PDZD2: variants seen among roughly 807,000 people sequenced by gnomAD.
PDZD2 encodes PDZ domain-containing protein 2.
In PDZD2, 90 loss-of-function variants were observed where a neutral mutation model predicts 220.7. That is an observed-to-expected ratio of 0.41 (90% CI 0.34 to 0.49). The LOEUF is 0.49. Ranked by LOEUF, PDZD2 falls within the 20% of genes least tolerant of loss-of-function variation. PDZD2 has a pLI of 0.28. For missense variants in PDZD2, 3,174 were observed against 3,608.5 expected (o/e 0.88, Z 3.08); for synonymous variants, 1,375 against 1,450.5 (o/e 0.95, Z 1.18).
In PDZD2 at chr5:31,845,317, C is replaced by T. The variant is rs77047832; in HGVS notation, c.476+45593C>T. On this transcript the variant is annotated intron_variant, in intron 2 of 24. Coordinates refer to ENST00000438447, the MANE Select transcript of PDZD2 (RefSeq NM_178140.4). ...GTCAAATGACTTACCCAGAATCTCA[C>T]GGATAATCATTATGGGATTTGAACT... Among the ~76,000 whole-genome samples, 1,273 of 152,300 alleles carry T rather than the reference C, an allele frequency of 8.4e-3. 15 individuals are homozygous for T. The highest frequency in any genetic ancestry group is 0.029 in the African/African-American group (1,218 of 41,560).
At position 32,088,974 on chromosome 5, in the gene PDZD2, A is replaced by G. The variant is rs747520633; in HGVS notation, c.5526A>G (p.Lys1842=). The change falls in exon 20 of 25, where the codon AAA becomes AAG. Residue 1842 remains lysine, a synonymous_variant. Coordinates refer to ENST00000438447, the MANE Select transcript of PDZD2 (RefSeq NM_178140.4). This position sits in a 1 kb window ranked among gnomAD's most constrained non-coding sequence, Gnocchi z 4.6. The part of the protein sequence containing the change: ...SKIQMVSSSQ[K]KGVTVPHSPP... ...TTCAGATGGTGAGTTCAAGCCAAAA[A>G]AAGGGCGTTACTGTGCCTCATAGCC... The G allele has an allele frequency of 1.2e-6, 2 of 1,614,006 alleles. No homozygotes were observed. The highest frequency in any genetic ancestry group is 3.3e-5 in the Admixed American group (2 of 60,008).
At position 31,639,223 on chromosome 5, in the gene PDZD2, G is replaced by A. The variant is rs1361410028; in HGVS notation, c.-575G>A. ...GGGCAGCGGGACGCGGCGGGGCGGC[G>A]GCTGCAGGCAGCCGAGGAGCCGCAG... is the stretch of plus-strand genomic sequence containing the variant. On this transcript the variant is annotated 5_prime_UTR_variant, in exon 1 of 25. Coordinates refer to ENST00000438447, the MANE Select transcript of PDZD2 (RefSeq NM_178140.4). The surrounding 1 kb of genome is among the most constrained non-coding windows in gnomAD (Gnocchi z 4.1). Among the ~76,000 whole-genome samples, 1 of 151,616 alleles carries A rather than the reference G, an allele frequency of 6.6e-6. No homozygotes were observed. The highest frequency in any genetic ancestry group is 1.5e-5 in the Non-Finnish European group (1 of 67,848).
At chr5:31,898,815 TTTTTTTTTTTTG>T (rs1561553036) in intron 2 of PDZD2, among the ~76,000 whole-genome samples, 1 of 150,572 alleles carries the variant, frequency 6.6e-6, no homozygotes, top group African/African-American at 2.4e-5. Flanking sequence ...CTTCTTTTTT[TTTTTTTTTTTTG>T]TTTTTTTTCT....
At chr5:31,931,528 G>A (rs1011993549) in intron 2 of PDZD2, among the ~76,000 whole-genome samples, 1 of 152,104 alleles carries the variant, frequency 6.6e-6, no homozygotes, top group Non-Finnish European at 1.5e-5. Flanking sequence ...CTGGGCAGGA[G>A]TTGAGGGTCT....
intron 2 of PDZD2, among the ~76,000 whole-genome samples, chr5:31,969,240 C>T (rs1426480418): frequency 6.6e-6 from 1 of 152,060 alleles, no homozygotes; most frequent in East Asian, 1.9e-4. Context: ...GGCACGATGG[C>T]TCATGCCTGT....
chr5:32,002,743 A>C (rs1581249235), intron 5 of PDZD2, among the ~76,000 whole-genome samples: 1 of 51,918 alleles, frequency 1.9e-5, no homozygotes, highest in African/African-American at 7.6e-5. Context: ...CACCCCACAC[A>C]CCAACACACA....
Position 32,069,263 on chromosome 5 carries a change from C to CA in PDZD2, c.2452-285dup, listed in dbSNP as rs11361686. On this transcript the variant is annotated intron_variant, in intron 14 of 24. Transcript: ENST00000438447. ...CTTGGGTAACAGAGAGACTCTGTCT[C>CA]AAAAAAAAAAAAAAAAAAAAATTGA... Among the ~76,000 whole-genome samples, 309 of 99,124 alleles carry CA rather than the reference C, an allele frequency of 3.1e-3. 1 individual carries two copies. The highest frequency in any genetic ancestry group is 6.0e-3 in the East Asian group (21 of 3,502). 65.0% of individuals were successfully genotyped at this position (99,124 alleles called of 152,430 possible).
rs181687626 is a variant in PDZD2, at chr5:31,868,926, C to T, written c.476+69202C>T. Reference sequence around the variant, plus strand: ...TAGCTGGAACTACAGGCGTGCGCCACCACTCCTGGCTAATTTTTGTATTTT... The same window carrying T: ...TAGCTGGAACTACAGGCGTGCGCCATCACTCCTGGCTAATTTTTGTATTTT... On this transcript the variant is annotated intron_variant, in intron 2 of 24. Coordinates refer to ENST00000438447, the MANE Select transcript of PDZD2 (RefSeq NM_178140.4). Among the ~76,000 whole-genome samples, 4 of 152,106 alleles carry T rather than the reference C, an allele frequency of 2.6e-5. No individual in the cohort carries two copies. The East Asian group carries it at 7.7e-4, about 29-fold the overall frequency.
intron 5 of PDZD2, among the ~76,000 whole-genome samples, chr5:32,002,930 TCA>T (rs1258005079): frequency 1.1e-4 from 3 of 28,076 alleles, no homozygotes; most frequent in East Asian, 2.5e-3. Flanking sequence ...CACACACACC[TCA>T]CACACCACGA....
intron 1 of PDZD2, among the ~76,000 whole-genome samples, chr5:31,724,803 A>G (rs1749027352): frequency 6.6e-6 from 1 of 152,132 alleles, no homozygotes; most frequent in Non-Finnish European, 1.5e-5. Context: ...TACTGTGGCT[A>G]CCACCTCACT....
intron 2 of PDZD2, among the ~76,000 whole-genome samples, chr5:31,897,309 A>C (rs1479958571): frequency 6.6e-6 from 1 of 152,096 alleles, no homozygotes; most frequent in African/African-American, 2.4e-5. Context: ...CACAGTGTGA[A>C]AATTGTGTTC....
At chr5:32,079,247 A>C (rs1442550491) in intron 19 of PDZD2, among the ~76,000 whole-genome samples, 9 of 141,038 alleles carry the variant, frequency 6.4e-5, no homozygotes, top group Non-Finnish European at 1.4e-4. Flanking sequence ...GGACAGAGTG[A>C]GACTCTGTCT....
chr5:31,998,627 T>G (rs1275411940), intron 4 of PDZD2, among the ~76,000 whole-genome samples: 1 of 152,214 alleles, frequency 6.6e-6, no homozygotes, highest in African/African-American at 2.4e-5. Flanking sequence ...TGTGAACCTT[T>G]AGAACAGAGA....
intron 2 of PDZD2, among the ~76,000 whole-genome samples, chr5:31,926,198 C>G (rs1581095341): frequency 6.7e-6 from 1 of 148,150 alleles, no homozygotes; most frequent in Non-Finnish European, 1.5e-5. Context: ...CCAGCCTGGG[C>G]AACGGAGCAA....
At chr5:31,847,949 A>T in intron 2 of PDZD2, 1 of 450,112 alleles carries the variant, frequency 2.2e-6, no homozygotes, top group Non-Finnish European at 4.3e-6. Context: ...ATACATAAAG[A>T]ACAGCATAAC....
At chr5:31,988,024 C>T (rs981719498) in intron 3 of PDZD2, among the ~76,000 whole-genome samples, 7 of 152,180 alleles carry the variant, frequency 4.6e-5, no homozygotes, top group African/African-American at 1.7e-4. Flanking sequence ...TTCATTTTGC[C>T]CCCTGGGCTG....
At chr5:31,758,690 GTCC>G (rs1751443538) in intron 1 of PDZD2, among the ~76,000 whole-genome samples, 1 of 152,116 alleles carries the variant, frequency 6.6e-6, no homozygotes, top group East Asian at 1.9e-4. Context: ...CCTTGGAAGA[GTCC>G]TCCTCCCTCC....
At chr5:31,695,973 G>A (rs2150130957) in intron 1 of PDZD2, among the ~76,000 whole-genome samples, 1 of 152,226 alleles carries the variant, frequency 6.6e-6, no homozygotes, top group African/African-American at 2.4e-5. Context: ...TCTTTTGCCA[G>A]CTGTCTTATC....
chr5:31,752,748 T>C (rs1751083795), intron 1 of PDZD2, among the ~76,000 whole-genome samples: 2 of 152,164 alleles, frequency 1.3e-5, no homozygotes, highest in Admixed American at 6.5e-5. Context: ...CTTATTTACT[T>C]GTCAAGATAT....
Sources: allele counts gnomAD v4.1 joint callset (sites outside exome capture counted in the v4.1 genomes callset), GRCh38; gene constraint gnomAD v4.1.1; non-coding constraint Gnocchi (gnomAD v3.1); transcripts MANE v1.5; gene names NCBI Gene and HGNC (gene_info 2026-07-23, HGNC 2026-07-21).